Variants in ZDHHC2 observed in about 807,000 individuals in gnomAD.
The protein encoded by ZDHHC2 is zDHHC palmitoyltransferase 2.
A neutral mutation model predicts 55.6 loss-of-function variants in ZDHHC2; 51 were observed. The ratio of observed to expected loss-of-function variants is 0.92; its 90% CI spans 0.73 to 1.16. The LOEUF (loss-of-function observed/expected upper bound fraction) is 1.16. ZDHHC2 is among the 50% of genes most tolerant of loss of function. The pLI, the probability that ZDHHC2 is intolerant of heterozygous loss-of-function variation, is 0.00. For missense variants in ZDHHC2, 491 were observed against 442.4 expected, an observed-to-expected ratio of 1.11 and a Z score of -0.99; for synonymous variants, 199 against 152.9, an observed-to-expected ratio of 1.30 and a Z score of -2.22.
intron 1 of ZDHHC2, among the ~76,000 whole-genome samples, chr8:17,172,195 T>C (rs979424385): frequency 6.6e-6 from 1 of 152,236 alleles, no homozygotes; most frequent in Non-Finnish European, 1.5e-5. Flanking sequence ...AAAATTGTTT[T>C]AACTAGACCC....
chr8:17,210,122 C>T, intron 9 of ZDHHC2, 64 bp downstream of exon 9: 1 of 1,511,130 alleles, frequency 6.6e-7, no homozygotes, highest in Non-Finnish European at 8.9e-7. Context: ...AAGATAGTTT[C>T]AGGAAAAGCC....
At chr8:17,169,053 A>G (rs977057227) in intron 1 of ZDHHC2, among the ~76,000 whole-genome samples, 1 of 152,142 alleles carries the variant, frequency 6.6e-6, no homozygotes, top group African/African-American at 2.4e-5. Flanking sequence ...TAAGAGTGGA[A>G]TTGGTCAGTC....
chr8:17,197,453 TTA>T, intron 4 of ZDHHC2, 127 bp from the exon 5 acceptor site: 1 of 794,248 alleles, frequency 1.3e-6, no homozygotes, highest in Non-Finnish European at 2.0e-6. Context: ...ATCAAATATC[TTA>T]TTTTTTTACC....
rs1347187221 is a variant in ZDHHC2, at chr8:17,184,818, A to C, written c.157+3A>C. ...CATGGAAAACACTGGCGAACAAGGT[A>C]AGCTAGATTATATTAATGTTATAGA... On this transcript the variant is annotated splice_donor_region_variant and intron_variant, in intron 2 of 12. Transcript: ENST00000262096. 6.5e-7 allele frequency: 1 copy of C among 1,546,796 alleles called. No individual in the cohort carries two copies. The highest frequency in any genetic ancestry group is 1.4e-5 in the African/African-American group (1 of 72,738).
chr8:17,169,684 T>G (rs1804761948), intron 1 of ZDHHC2, among the ~76,000 whole-genome samples: 1 of 152,098 alleles, frequency 6.6e-6, no homozygotes, highest in Non-Finnish European at 1.5e-5. Flanking sequence ...AAGGTTTCTG[T>G]TTTGCCCAAA....
intron 1 of ZDHHC2, among the ~76,000 whole-genome samples, chr8:17,175,503 G>A (rs7828187): frequency 0.046 from 7,022 of 152,202 alleles, 543 homozygotes; most frequent in African/African-American, 0.16. Flanking sequence ...TAAACTGCTA[G>A]CACTAAACTT....
intron 6 of ZDHHC2, among the ~76,000 whole-genome samples, chr8:17,203,392 G>A (rs987719329): frequency 2.6e-5 from 4 of 152,014 alleles, no homozygotes; most frequent in East Asian, 1.9e-4. Context: ...CACCATGCCC[G>A]GCTAATTTTT....
Position 17,157,889 on chromosome 8 carries a change from G to A in ZDHHC2, c.130+1036G>A, listed in dbSNP as rs762010562. Among the ~76,000 whole-genome samples the A allele has an allele frequency of 2.0e-5, 3 of 152,172 alleles. No individual in the cohort carries two copies. In the East Asian group the frequency reaches 5.8e-4, roughly 29 times the overall value. ...ATTATATTGAGCCTTCACAAGCTCAGCATTTTCAAAGCCTCAAGATTCAGA... is the reference window on the plus strand; with the variant it reads ...ATTATATTGAGCCTTCACAAGCTCAACATTTTCAAAGCCTCAAGATTCAGA... On this transcript the variant is annotated intron_variant, in intron 1 of 12. Coordinates refer to ENST00000262096, the MANE Select transcript of ZDHHC2 (RefSeq NM_016353.5).
intron 1 of ZDHHC2, among the ~76,000 whole-genome samples, chr8:17,159,472 C>G (rs1057193158): frequency 6.6e-6 from 1 of 152,140 alleles, no homozygotes; most frequent in Non-Finnish European, 1.5e-5. Flanking sequence ...ATTCTGTGCC[C>G]TTTGCTGAAT....
In ZDHHC2 at chr8:17,217,265, T is replaced by TA; in HGVS notation, c.*34+20dup. 1 of 1,522,478 alleles carries TA rather than the reference T, an allele frequency of 6.6e-7. No individual in the cohort carries two copies. The allele number at this position is 1,522,478 out of a possible 1,614,324, so 94.3% of individuals were successfully genotyped here. On this transcript the variant is annotated intron_variant, in intron 12 of 12. Transcript: ENST00000262096. Reference sequence around the variant, plus strand: ...TATAAAAGTACGATAATTTTCCCTTTATTGTTTTATATTTTTAACAGTCTT... The same window carrying TA: ...TATAAAAGTACGATAATTTTCCCTTTAATTGTTTTATATTTTTAACAGTCTT...
intron 1 of ZDHHC2, among the ~76,000 whole-genome samples, chr8:17,176,665 G>A (rs992469657): frequency 6.6e-6 from 1 of 152,138 alleles, no homozygotes; most frequent in African/African-American, 2.4e-5. Flanking sequence ...GAGGATCAAG[G>A]GAGGGTACAA....
intron 10 of ZDHHC2, among the ~76,000 whole-genome samples, chr8:17,214,272 T>G (rs1224420436): frequency 1.3e-5 from 2 of 152,226 alleles, no homozygotes; most frequent in East Asian, 3.8e-4. Flanking sequence ...CTTAGAAGAC[T>G]GCTCATTCCC....
At position 17,156,803 on chromosome 8, in the gene ZDHHC2, C is replaced by T. The variant is rs763162414; in HGVS notation, c.80C>T (p.Thr27Ile). 5.3e-6 allele frequency: 8 copies of T among 1,522,308 alleles called. No individual in the cohort carries two copies. Among genetic ancestry groups the T allele is most frequent in the Non-Finnish European group, 6.2e-6 (7 of 1,133,578 alleles). 94.3% of individuals were successfully genotyped at this position (1,522,308 alleles called of 1,614,324 possible). Residue 27 changes from threonine (T) to isoleucine (I), a missense_variant, in exon 1 of 13, where the codon ACC (threonine) becomes ATC (isoleucine). Transcript: ENST00000262096. The part of the protein sequence containing the change: ...VLYWIPVVFI[T>I]LLLGWSYYAY... Reference sequence around the variant, plus strand: ...TACTGGATCCCGGTGGTGTTCATCACCCTCCTGCTCGGCTGGTCCTACTAC... The same window carrying T: ...TACTGGATCCCGGTGGTGTTCATCATCCTCCTGCTCGGCTGGTCCTACTAC...
At chr8:17,171,146 G>T (rs182919828) in intron 1 of ZDHHC2, among the ~76,000 whole-genome samples, 54 of 152,266 alleles carry the variant, frequency 3.5e-4, no homozygotes, top group Non-Finnish European at 6.0e-4. Context: ...GAAAGGAGGG[G>T]GGTGGGGCTG....
intron 3 of ZDHHC2, among the ~76,000 whole-genome samples, chr8:17,189,083 A>C (rs1805884087): frequency 6.8e-6 from 1 of 147,858 alleles, no homozygotes; most frequent in South Asian, 2.2e-4. Flanking sequence ...TAGCCTCTTA[A>C]CAGGTTTCTT....
At chr8:17,193,846 G>A (rs1267625227) in intron 3 of ZDHHC2, among the ~76,000 whole-genome samples, 1 of 152,102 alleles carries the variant, frequency 6.6e-6, no homozygotes, top group Non-Finnish European at 1.5e-5. Flanking sequence ...GTATACACGT[G>A]CCATGGTGAT....
chr8:17,179,150 C>T (rs1477673805), intron 1 of ZDHHC2, among the ~76,000 whole-genome samples: 1 of 152,080 alleles, frequency 6.6e-6, no homozygotes. Flanking sequence ...TGATGTTTCA[C>T]TGTGTTGCCC....
rs773429262 is a variant in ZDHHC2 at position 17,199,533 on chromosome 8, T to TCTTCGTCTTCGTCTTC, written c.476+1120_476+1121insCTTCGTCTTCGTCTTC. Among the ~76,000 whole-genome samples, 198 of 31,242 alleles carry TCTTCGTCTTCGTCTTC rather than the reference T, an allele frequency of 6.3e-3. 4 individuals are homozygous for TCTTCGTCTTCGTCTTC. Among genetic ancestry groups the TCTTCGTCTTCGTCTTC allele is most frequent in the African/African-American group, 0.019 (167 of 8,670 alleles). The allele number at this position is 31,242 out of a possible 152,430, so 20.5% of individuals were successfully genotyped here. ...CTTCTTCGTCTTCGTCTTCGTCTTC[T>TCTTCGTCTTCGTCTTC]GTCTTCGTCTTCTGTCTTCGTCTTC... On this transcript the variant is annotated intron_variant, in intron 6 of 12. Transcript: ENST00000262096.
chr8:17,193,920 G>A (rs1806172416), intron 3 of ZDHHC2, among the ~76,000 whole-genome samples: 1 of 152,092 alleles, frequency 6.6e-6, no homozygotes, highest in Admixed American at 6.5e-5. Context: ...CCCTCCCCTA[G>A]ATCCCCACCC....
Sources: allele counts gnomAD v4.1 joint callset (sites outside exome capture counted in the v4.1 genomes callset), GRCh38; gene constraint gnomAD v4.1.1; transcripts MANE v1.5; gene names NCBI Gene and HGNC (gene_info 2026-07-23, HGNC 2026-07-21).